Variants in NUDT3 observed in about 807,000 individuals in gnomAD.
NUDT3 encodes the protein nudix hydrolase 3.
A neutral mutation model predicts 23.6 loss-of-function variants in NUDT3; 9 were observed. The ratio of observed to expected loss-of-function variants is 0.38; its 90% CI spans 0.23 to 0.66. The LOEUF (loss-of-function observed/expected upper bound fraction) is 0.66. Among genes scored for constraint, NUDT3 ranks in the 30% least tolerant of loss-of-function variants. NUDT3 has a pLI of 0.52. For missense variants in NUDT3, 172 were observed against 218.5 expected (o/e 0.79, Z 1.34); for synonymous variants, 86 against 82.6 (o/e 1.04, Z -0.22).
chr6:34,346,517 A>G (rs1469240126), intron 1 of NUDT3, among the ~76,000 whole-genome samples: 1 of 152,260 alleles, frequency 6.6e-6, no homozygotes, highest in Non-Finnish European at 1.5e-5. Context: ...AAAGATAAGC[A>G]TTCAATTTCT....
At chr6:34,333,572 G>A (rs1450609848) in intron 2 of NUDT3, among the ~76,000 whole-genome samples, 1 of 152,118 alleles carries the variant, frequency 6.6e-6, no homozygotes, top group African/African-American at 2.4e-5. Context: ...AGCATATTAG[G>A]CTGGACCCAA....
chr6:34,333,036 G>A (rs1174828194), intron 2 of NUDT3, among the ~76,000 whole-genome samples: 4 of 152,118 alleles, frequency 2.6e-5, no homozygotes, highest in African/African-American at 9.7e-5. Flanking sequence ...TCACATGGCT[G>A]GCTCACACAG....
intron 1 of NUDT3, among the ~76,000 whole-genome samples, chr6:34,380,486 G>A (rs556120885): frequency 7.0e-4 from 107 of 152,248 alleles, no homozygotes; most frequent in African/African-American, 2.2e-3. Flanking sequence ...CCAAATAGGT[G>A]AGATTATAGG....
At chr6:34,304,314 C>G (rs114978601) in intron 2 of NUDT3, among the ~76,000 whole-genome samples, 1,590 of 150,636 alleles carry the variant, frequency 0.011, 28 homozygotes, top group African/African-American at 0.037. Context: ...TACCTGTAAT[C>G]CTAGCACTTT....
intron 1 of NUDT3, among the ~76,000 whole-genome samples, chr6:34,376,546 G>A (rs906277428): frequency 1.4e-4 from 22 of 152,214 alleles, no homozygotes; most frequent in African/African-American, 5.3e-4. Context: ...CAAAGTGCTG[G>A]GATTACAGGC....
chr6:34,325,502 C>T (rs1764011977), intron 2 of NUDT3, among the ~76,000 whole-genome samples: 1 of 152,222 alleles, frequency 6.6e-6, no homozygotes, highest in Non-Finnish European at 1.5e-5. Flanking sequence ...TGAGCCACTG[C>T]ACCCAGACAA....
chr6:34,372,801 T>C (rs528857124), intron 1 of NUDT3, among the ~76,000 whole-genome samples: 1 of 151,744 alleles, frequency 6.6e-6, no homozygotes, highest in Non-Finnish European at 1.5e-5. Flanking sequence ...CAAAACTCCA[T>C]CTTTAAAAAA....
At chr6:34,351,904 A>G (rs922980742) in intron 1 of NUDT3, among the ~76,000 whole-genome samples, 3 of 151,948 alleles carry the variant, frequency 2.0e-5, no homozygotes, top group African/African-American at 7.3e-5. Context: ...TGGCTTGAAT[A>G]TTTTAGAACA....
chr6:34,358,681 T>A (rs763872126), intron 1 of NUDT3, among the ~76,000 whole-genome samples: 5 of 152,098 alleles, frequency 3.3e-5, no homozygotes, highest in Non-Finnish European at 7.4e-5. Flanking sequence ...GCTAGAGCCA[T>A]GAAATATGAA....
chr6:34,384,004 C>T (rs1765065832), intron 1 of NUDT3, among the ~76,000 whole-genome samples: 1 of 152,168 alleles, frequency 6.6e-6, no homozygotes, highest in African/African-American at 2.4e-5. Flanking sequence ...TACAAAAGGA[C>T]TCCCAAACCA....
intron 1 of NUDT3, among the ~76,000 whole-genome samples, chr6:34,383,845 G>A (rs1268545933): frequency 6.6e-6 from 1 of 152,112 alleles, no homozygotes; most frequent in Non-Finnish European, 1.5e-5. Flanking sequence ...TGACTAACTG[G>A]TATTAGGCAA....
At chr6:34,385,545 T>C (rs1765091751) in intron 1 of NUDT3, among the ~76,000 whole-genome samples, 2 of 151,502 alleles carry the variant, frequency 1.3e-5, no homozygotes, top group Non-Finnish European at 2.9e-5. Context: ...CAATGACCTA[T>C]GTTTTCCAGT....
intron 2 of NUDT3, among the ~76,000 whole-genome samples, chr6:34,304,251 CAAA>C (rs60576919): frequency 0.15 from 11,883 of 81,022 alleles, 541 homozygotes; most frequent in Non-Finnish European, 0.2. Flanking sequence ...AACTCTGTCT[CAAA>C]AAAAAAAAAA....
intron 1 of NUDT3, among the ~76,000 whole-genome samples, chr6:34,378,769 G>C (rs1404534910): frequency 6.6e-6 from 1 of 152,218 alleles, no homozygotes; most frequent in African/African-American, 2.4e-5. Flanking sequence ...GAGCTAGGTG[G>C]AGGATGGGTC....
At chr6:34,332,326 G>A (rs576421775) in intron 2 of NUDT3, among the ~76,000 whole-genome samples, 1 of 152,208 alleles carries the variant, frequency 6.6e-6, no homozygotes, top group East Asian at 1.9e-4. Flanking sequence ...TATATTTACT[G>A]TTCATTAGGT....
At chr6:34,366,024 G>C (rs1436683511) in intron 1 of NUDT3, among the ~76,000 whole-genome samples, 1 of 152,072 alleles carries the variant, frequency 6.6e-6, no homozygotes, top group Non-Finnish European at 1.5e-5. Flanking sequence ...CTGAGAGCCA[G>C]AGCGAGACTC....
At chr6:34,357,012 C>T (rs1354018171) in intron 1 of NUDT3, among the ~76,000 whole-genome samples, 3 of 152,196 alleles carry the variant, frequency 2.0e-5, no homozygotes, top group African/African-American at 4.8e-5. Context: ...CTCCTGACCT[C>T]GTGATCCGCC....
At chr6:34,310,991 GAA>G (rs751477783) in intron 2 of NUDT3, among the ~76,000 whole-genome samples, 15 of 122,246 alleles carry the variant, frequency 1.2e-4, no homozygotes, top group East Asian at 7.2e-4. Flanking sequence ...GACACAGAAG[GAA>G]AAAAAAAAAA....
intron 1 of NUDT3, among the ~76,000 whole-genome samples, chr6:34,366,339 G>A (rs1410715122): frequency 6.6e-6 from 1 of 151,438 alleles, no homozygotes; most frequent in Non-Finnish European, 1.5e-5. Context: ...TTTTGCCACT[G>A]CACTCTAGCG....
Sources: allele counts gnomAD v4.1 joint callset (sites outside exome capture counted in the v4.1 genomes callset), GRCh38; gene constraint gnomAD v4.1.1; transcripts MANE v1.5; gene names NCBI Gene and HGNC (gene_info 2026-07-23, HGNC 2026-07-21).